Variants in PPM1E observed in about 807,000 individuals in gnomAD.
The protein encoded by PPM1E is protein phosphatase, Mg2+/Mn2+ dependent 1E.
A neutral mutation model predicts 65.9 loss-of-function variants in PPM1E; 20 were observed. The observed-to-expected ratio is 0.30, with a 90% CI of 0.21 to 0.44. PPM1E has a LOEUF of 0.44. Among genes scored for constraint, PPM1E ranks in the 20% least tolerant of loss-of-function variants. The pLI, the probability that PPM1E is intolerant of heterozygous loss-of-function variation, is 1.00. For missense variants in PPM1E, 713 were observed against 953.1 expected (o/e 0.75, Z 3.32); for synonymous variants, 352 against 374.9 (o/e 0.94, Z 0.70).
At chr17:58,889,231 T>C (rs1376976214) in intron 1 of PPM1E, among the ~76,000 whole-genome samples, 2 of 152,184 alleles carry the variant, frequency 1.3e-5, no homozygotes, top group Non-Finnish European at 2.9e-5. Flanking sequence ...TGGGAGTTCA[T>C]ACAGTATTTG....
chr17:58,950,857 C>T (rs1302721527), intron 1 of PPM1E, among the ~76,000 whole-genome samples: 1 of 149,820 alleles, frequency 6.7e-6, no homozygotes, highest in Non-Finnish European at 1.5e-5. Flanking sequence ...CTGCTCACTG[C>T]AAGCTCCGCC....
chr17:58,888,120 C>T (rs2051298901), intron 1 of PPM1E, among the ~76,000 whole-genome samples: 1 of 152,008 alleles, frequency 6.6e-6, no homozygotes, highest in South Asian at 2.1e-4. Flanking sequence ...GTTTTAGACA[C>T]TTAAGATTAC....
intron 2 of PPM1E, among the ~76,000 whole-genome samples, chr17:58,957,343 C>T (rs2029891772): frequency 6.6e-6 from 1 of 152,120 alleles, no homozygotes; most frequent in Non-Finnish European, 1.5e-5. Flanking sequence ...CAGTGTTGCC[C>T]TACATGCCTA....
intron 1 of PPM1E, among the ~76,000 whole-genome samples, chr17:58,922,778 G>A (rs1161133498): frequency 2.7e-5 from 4 of 149,972 alleles, no homozygotes; most frequent in South Asian, 2.1e-4. Flanking sequence ...TCTGCCTCCC[G>A]GGTTCAAGTG....
intron 1 of PPM1E, 49 bp downstream of exon 1, chr17:58,756,510 C>T (rs1232514315): frequency 7.9e-7 from 1 of 1,261,118 alleles, no homozygotes; most frequent in Non-Finnish European, 1.0e-6. Context: ...CCCCACCGCG[C>T]CGGCCTCGGA....
chr17:58,828,474 G>A (rs758009152), intron 1 of PPM1E, among the ~76,000 whole-genome samples: 5 of 151,884 alleles, frequency 3.3e-5, no homozygotes, highest in Non-Finnish European at 7.4e-5. Context: ...TTGTTTGTTT[G>A]TTTTTTTAAG....
chr17:58,980,788 AAAG>A lies in PPM1E; in HGVS notation c.2029_2031del (p.Lys677del). The A allele has an allele frequency of 6.2e-7, 1 of 1,614,140 alleles. No homozygotes were observed. The highest frequency in any genetic ancestry group is 1.1e-5 in the South Asian group (1 of 91,082). On this transcript the variant is annotated inframe_deletion, in exon 7 of 7. Transcript: ENST00000308249. This position sits in a 1 kb window ranked among gnomAD's most constrained non-coding sequence, Gnocchi z 4.7. ...TGTCTCATTTACGCCACCACTACTC[AAAG>A]AAGTGGCACAGATTCAGGTTTAATC...
chr17:58,848,236 T>A (rs2050791081), intron 1 of PPM1E, among the ~76,000 whole-genome samples: 1 of 152,180 alleles, frequency 6.6e-6, no homozygotes, highest in Admixed American at 6.6e-5. Flanking sequence ...CAATTTGACT[T>A]CCTCTTTTCC....
At chr17:58,811,285 T>A (rs956957555) in intron 1 of PPM1E, among the ~76,000 whole-genome samples, 1 of 152,238 alleles carries the variant, frequency 6.6e-6, no homozygotes, top group Non-Finnish European at 1.5e-5. Flanking sequence ...AGTGTTCTAT[T>A]TATCTGGAAT....
intron 2 of PPM1E, among the ~76,000 whole-genome samples, chr17:58,961,438 A>G (rs981813243): frequency 6.6e-6 from 1 of 152,218 alleles, no homozygotes; most frequent in African/African-American, 2.4e-5. Context: ...GAATGATGTT[A>G]CCTATTTGTG....
intron 1 of PPM1E, among the ~76,000 whole-genome samples, chr17:58,927,856 C>T (rs1294734487): frequency 6.6e-6 from 1 of 151,868 alleles, no homozygotes; most frequent in Admixed American, 6.6e-5. Context: ...GTCAGGAGTT[C>T]GAGACCAGCC....
At chr17:58,823,126 A>G (rs2050497187) in intron 1 of PPM1E, among the ~76,000 whole-genome samples, 1 of 152,194 alleles carries the variant, frequency 6.6e-6, no homozygotes, top group Non-Finnish European at 1.5e-5. Flanking sequence ...AGAGTCAGAC[A>G]TTATAGTGTA....
At chr17:58,880,825 G>T (rs8073535) in intron 1 of PPM1E, among the ~76,000 whole-genome samples, 9 of 151,874 alleles carry the variant, frequency 5.9e-5, no homozygotes, top group African/African-American at 2.2e-4. Flanking sequence ...ATGGGGTTTT[G>T]CCGTATTGCC....
Position 58,755,878 on chromosome 17 carries a change from C to T in PPM1E, c.-120C>T, listed in dbSNP as rs551864830. ...CCTCTCCAGGCAACCTAGTGCTGAT[C>T]GCTCGTGCCGGTGCGGCCGTTAACC... On this transcript the variant is annotated 5_prime_UTR_variant, in exon 1 of 7. Transcript: ENST00000308249. 1.3e-5 allele frequency: 19 copies of T among 1,503,898 alleles called. No homozygotes were observed. In the East Asian group the frequency reaches 1.4e-4, roughly 11 times the overall value. The allele number at this position is 1,503,898 out of a possible 1,614,324, so 93.2% of individuals were successfully genotyped here.
chr17:58,765,342 T>C (rs897403388), intron 1 of PPM1E, among the ~76,000 whole-genome samples: 1 of 151,870 alleles, frequency 6.6e-6, no homozygotes, highest in African/African-American at 2.4e-5. Context: ...CATGCCCAGC[T>C]AATTTTTGTG....
At chr17:58,831,015 T>G (rs913882194) in intron 1 of PPM1E, among the ~76,000 whole-genome samples, 1 of 149,354 alleles carries the variant, frequency 6.7e-6, no homozygotes, top group African/African-American at 2.5e-5. Context: ...TTTTTTTTTT[T>G]TTTCGTTTTT....
Position 58,982,716 on chromosome 17 carries a change from T to C in PPM1E, c.*1685T>C, listed in dbSNP as rs756700481. 4.8e-5 allele frequency: 25 copies of C among 519,290 alleles called. No homozygotes were observed. Among genetic ancestry groups the C allele is most frequent in the Non-Finnish European group, 7.8e-5 (23 of 293,202 alleles). The allele number at this position is 519,290 out of a possible 1,614,324, so 32.2% of individuals were successfully genotyped here. A position where few individuals can be genotyped will look rare whatever the true frequency, so the allele number is the denominator to read the frequency against. On this transcript the variant is annotated 3_prime_UTR_variant, in exon 7 of 7. Coordinates refer to ENST00000308249, the MANE Select transcript of PPM1E (RefSeq NM_014906.5). ...GTAAGTAGAGACTTTCAGTATTTGT[T>C]TTCTCTTGATTTTGAAGTCATTTCT...
intron 1 of PPM1E, among the ~76,000 whole-genome samples, chr17:58,805,461 G>T (rs2050296406): frequency 6.6e-6 from 1 of 152,044 alleles, no homozygotes; most frequent in Admixed American, 6.6e-5. Flanking sequence ...TGTTGGTCAG[G>T]CTGGTCTCAA....
intron 3 of PPM1E, 132 bp from the exon 4 acceptor site, chr17:58,969,407 C>G: frequency 2.3e-6 from 2 of 876,384 alleles, no homozygotes; most frequent in South Asian, 2.8e-5. Context: ...AGAAGGAAAA[C>G]ATTTAGTCTC....
Sources: allele counts gnomAD v4.1 joint callset (sites outside exome capture counted in the v4.1 genomes callset), GRCh38; gene constraint gnomAD v4.1.1; non-coding constraint Gnocchi (gnomAD v3.1); transcripts MANE v1.5; gene names NCBI Gene and HGNC (gene_info 2026-07-23, HGNC 2026-07-21).